Variants in GLIS3 observed in about 807,000 individuals in gnomAD.
GLIS3 encodes the protein zinc finger protein GLIS3.
Under a neutral mutation model 78.6 loss-of-function variants are expected in GLIS3, and 53 were observed. The observed-to-expected ratio is 0.67, with a 90% CI of 0.54 to 0.85. The LOEUF (loss-of-function observed/expected upper bound fraction) is 0.85. Ranked by LOEUF, GLIS3 falls within the 40% of genes least tolerant of loss-of-function variation. GLIS3 has a pLI of 0.00. For synonymous variants in GLIS3, 684 were observed against 509.9 expected, an observed-to-expected ratio of 1.34 and a Z score of -4.60; for missense variants, 1,703 against 1,231.1, an observed-to-expected ratio of 1.38 and a Z score of -5.74.
chr9:4,101,964 T>A (rs912900393), intron 4 of GLIS3, among the ~76,000 whole-genome samples: 10 of 152,296 alleles, frequency 6.6e-5, no homozygotes, highest in East Asian at 3.9e-4. Flanking sequence ...AGACCACACA[T>A]TTTCTGTATA....
chr9:4,069,333 T>C (rs573031186), intron 4 of GLIS3, among the ~76,000 whole-genome samples: 4 of 152,344 alleles, frequency 2.6e-5, no homozygotes, highest in East Asian at 1.9e-4. Context: ...AGCTGAGCTA[T>C]TGGATCGGCT....
intron 9 of GLIS3, among the ~76,000 whole-genome samples, chr9:3,836,437 A>G (rs745751009): frequency 2.6e-4 from 39 of 152,250 alleles, no homozygotes; most frequent in Non-Finnish European, 4.6e-4. Flanking sequence ...ATGTAGAAGC[A>G]TAAGTGATGA....
chr9:4,437,813 C>G, the GLIS3 span, among the ~76,000 whole-genome samples: 2 of 152,282 alleles, frequency 1.3e-5, no homozygotes, highest in Non-Finnish European at 2.9e-5. Context: ...AGATGATCCA[C>G]TTCTTAATGA....
intron 2 of GLIS3, among the ~76,000 whole-genome samples, chr9:4,341,672 A>G (rs1212674521): frequency 5.3e-5 from 8 of 152,224 alleles, no homozygotes; most frequent in African/African-American, 1.9e-4. Flanking sequence ...CAGTCTTACA[A>G]CCAGTGCCTC....
intron 4 of GLIS3, among the ~76,000 whole-genome samples, chr9:3,949,313 C>T (rs1487113009): frequency 1.3e-5 from 2 of 152,160 alleles, no homozygotes; most frequent in African/African-American, 4.8e-5. Flanking sequence ...GTACTGTGAG[C>T]CTTATGTTCT....
the GLIS3 span, among the ~76,000 whole-genome samples, chr9:4,415,829 A>T: frequency 2.3e-3 from 347 of 151,960 alleles, 1 homozygote; most frequent in African/African-American, 8.2e-3. Context: ...GTTTTATACC[A>T]AAAAGAAATA....
chr9:4,188,302 T>A (rs1817997345), intron 2 of GLIS3, among the ~76,000 whole-genome samples: 1 of 150,630 alleles, frequency 6.6e-6, no homozygotes, highest in South Asian at 2.1e-4. Context: ...TTACATTTAT[T>A]GATTTGTGTA....
Position 3,948,436 on chromosome 9 carries a change from C to G in GLIS3, c.1711-11247G>C, listed in dbSNP as rs546388825. 1.8e-4 allele frequency among the ~76,000 whole-genome samples: 27 copies of G among 152,268 alleles called. 1 individual carries two copies. In the South Asian group the frequency reaches 3.1e-3, roughly 18 times the overall value. Reference sequence around the variant, plus strand: ...ATCGATGACCTTTTGGGTCTTAAGACCCACACTCATAGTTATTCAATCACT... The same window carrying G: ...ATCGATGACCTTTTGGGTCTTAAGAGCCACACTCATAGTTATTCAATCACT... On this transcript the variant is annotated intron_variant, in intron 4 of 10. Coordinates refer to ENST00000381971, the MANE Select transcript of GLIS3 (RefSeq NM_001042413.2).
At chr9:4,175,350 G>A (rs1476700668) in intron 2 of GLIS3, among the ~76,000 whole-genome samples, 2 of 152,178 alleles carry the variant, frequency 1.3e-5, no homozygotes, top group Non-Finnish European at 2.9e-5. Flanking sequence ...TTGGGCACTG[G>A]GTGAATGGAG....
chr9:4,007,350 G>A (rs1359995695), intron 4 of GLIS3, among the ~76,000 whole-genome samples: 2 of 152,104 alleles, frequency 1.3e-5, no homozygotes, highest in South Asian at 2.1e-4. Context: ...AGGCTGAAGA[G>A]GGAAATGAAG....
intron 2 of GLIS3, among the ~76,000 whole-genome samples, chr9:4,251,348 T>C (rs1481409014): frequency 1.3e-5 from 2 of 152,242 alleles, no homozygotes; most frequent in South Asian, 2.1e-4. Context: ...TTAATCGCTT[T>C]ACCATTATGT....
intron 4 of GLIS3, among the ~76,000 whole-genome samples, chr9:4,053,549 G>A (rs1045150808): frequency 2.0e-5 from 3 of 151,048 alleles, no homozygotes; most frequent in Non-Finnish European, 4.4e-5. Flanking sequence ...TGTCTTGTTC[G>A]ACAGAATATC....
chr9:4,062,395 G>A (rs1479868395), intron 4 of GLIS3, among the ~76,000 whole-genome samples: 2 of 152,200 alleles, frequency 1.3e-5, no homozygotes, highest in Non-Finnish European at 2.9e-5. Flanking sequence ...CTGTACCCCA[G>A]TTGCTGCTAC....
chr9:4,293,988 A>G (rs1222836639), intron 1 of GLIS3, among the ~76,000 whole-genome samples: 1 of 152,158 alleles, frequency 6.6e-6, no homozygotes, highest in Non-Finnish European at 1.5e-5. Context: ...GTGGAACATG[A>G]TTGGATCTTT....
At chr9:3,975,656 A>G (rs750913867) in intron 4 of GLIS3, among the ~76,000 whole-genome samples, 2 of 152,008 alleles carry the variant, frequency 1.3e-5, no homozygotes, top group Non-Finnish European at 2.9e-5. Flanking sequence ...AACCAGTAAC[A>G]TGCCTTAAGG....
rs1441201707 is a variant in GLIS3, at chr9:3,828,220, G to T, written c.*52C>A. On this transcript the variant is annotated 3_prime_UTR_variant, in exon 11 of 11. Transcript: ENST00000381971. ...AGTCTGTGAGAGTACGAAAACAAAA[G>T]GTGGCAAGCAACATCAAGGTCCTGG... is the stretch of plus-strand genomic sequence containing the variant. 9.9e-6 allele frequency: 16 copies of T among 1,610,630 alleles called. No individual in the cohort carries two copies. The Admixed American group carries it at 1.0e-4, about 10-fold the overall frequency.
chr9:3,960,388 C>G (rs557873100), intron 4 of GLIS3, among the ~76,000 whole-genome samples: 1 of 152,280 alleles, frequency 6.6e-6, no homozygotes, highest in South Asian at 2.1e-4. Context: ...TATGGCAGCC[C>G]TAGCAAACTA....
upstream of GLIS3, among the ~76,000 whole-genome samples, chr9:4,300,511 T>G (rs1817023799): frequency 1.3e-5 from 2 of 152,056 alleles, no homozygotes; most frequent in Admixed American, 1.3e-4. Context: ...GCTTCGAAAC[T>G]GGATAGGTGA....
the GLIS3 span, among the ~76,000 whole-genome samples, chr9:4,469,887 G>C: frequency 1.3e-5 from 2 of 151,866 alleles, no homozygotes; most frequent in Non-Finnish European, 2.9e-5. Flanking sequence ...TAGACCACTA[G>C]CAAGACTAAC....
Sources: gnomAD v4.1 joint callset for allele counts (sites outside exome capture counted in the v4.1 genomes callset) on GRCh38, gnomAD v4.1.1 for gene constraint, MANE v1.5 for transcripts, NCBI Gene and HGNC (gene_info 2026-07-23, HGNC 2026-07-21) for gene names.